Variants in GLI3 observed in about 807,000 individuals in gnomAD.
GLI3 encodes the protein GLI family zinc finger 3.
GLI3 carries 20 observed loss-of-function variants against 100.8 expected under a neutral mutation model. The ratio of observed to expected loss-of-function variants is 0.20; its 90% CI spans 0.14 to 0.29. The LOEUF (loss-of-function observed/expected upper bound fraction) is 0.29, where lower values mean the gene tolerates loss of function less well. Among genes scored for constraint, GLI3 ranks in the 10% least tolerant of loss-of-function variants. The pLI, the probability that GLI3 is intolerant of heterozygous loss-of-function variation, is 1.00. For missense variants in GLI3, 2,040 were observed against 2,128.5 expected (o/e 0.96, Z 0.82); for synonymous variants, 938 against 860.5 (o/e 1.09, Z -1.58).
At chr7:42,205,741 C>T (rs2128694854) in intron 2 of GLI3, among the ~76,000 whole-genome samples, 1 of 152,262 alleles carries the variant, frequency 6.6e-6, no homozygotes, top group African/African-American at 2.4e-5. Flanking sequence ...TTAGGTCTTG[C>T]CAACTGTTAT....
chr7:42,124,154 T>C (rs1182539108), intron 3 of GLI3, among the ~76,000 whole-genome samples: 1 of 152,200 alleles, frequency 6.6e-6, no homozygotes, highest in Admixed American at 6.5e-5. Context: ...GATTTTCCTT[T>C]TGATAACTGT....
intron 13 of GLI3, among the ~76,000 whole-genome samples, chr7:41,970,022 G>A (rs1787324899): frequency 6.6e-6 from 1 of 152,016 alleles, no homozygotes; most frequent in Non-Finnish European, 1.5e-5. Context: ...TTCTATATTT[G>A]AAACATATCT....
In GLI3 at chr7:41,965,196, G is replaced by C. The variant is rs1476153727; in HGVS notation, c.3877C>G (p.Leu1293Val). 5.0e-6 allele frequency: 8 copies of C among 1,613,758 alleles called. No individual in the cohort carries two copies. The African/African-American group carries it at 1.1e-4, about 22-fold the overall frequency. ...STPMQGSGGQ[L>V]NFGLPVAPNE... is the part of the protein sequence containing the mutation. ...GGCGCTACCGGCAGGCCGAAATTCA[G>C]CTGGCCCCCGCTCCCTTGCATGGGG... Residue 1293 changes from leucine to valine, a missense_variant, in exon 15 of 15, where the codon CTG (leucine) becomes GTG (valine). Coordinates refer to ENST00000395925, the MANE Select transcript of GLI3 (RefSeq NM_000168.6).
At chr7:42,180,652 G>GA (rs1236492408) in intron 2 of GLI3, among the ~76,000 whole-genome samples, 7 of 152,214 alleles carry the variant, frequency 4.6e-5, no homozygotes, top group African/African-American at 1.7e-4. Flanking sequence ...TCATCTGTGG[G>GA]AGGCAGTGGG....
intron 4 of GLI3, among the ~76,000 whole-genome samples, chr7:42,073,494 T>C (rs770129891): frequency 3.9e-5 from 6 of 152,254 alleles, no homozygotes; most frequent in Admixed American, 1.3e-4. Context: ...GTCAAACAGC[T>C]AATACGAAAC....
chr7:42,115,994 G>A (rs1183263995), intron 3 of GLI3, among the ~76,000 whole-genome samples: 1 of 152,046 alleles, frequency 6.6e-6, no homozygotes, highest in Non-Finnish European at 1.5e-5. Flanking sequence ...TACCTCAAAT[G>A]AACAGGGAGG....
rs147187967 is a variant in GLI3 at position 42,037,783 on chromosome 7, G to A, written c.1028+2255C>T. 1.6e-4 allele frequency among the ~76,000 whole-genome samples: 25 copies of A among 152,284 alleles called. No individual in the cohort carries two copies. In the East Asian group the frequency reaches 3.1e-3, roughly 19 times the overall value. On this transcript the variant is annotated intron_variant, in intron 7 of 14. Transcript: ENST00000395925. ...AGTTGTGGTATAGCTCCTTGGAGACGAAATGGGCAATGATGATTTCAAGTC... is the reference window on the plus strand; with the variant it reads ...AGTTGTGGTATAGCTCCTTGGAGACAAAATGGGCAATGATGATTTCAAGTC...
At chr7:42,011,987 C>T (rs1219998399) in intron 10 of GLI3, among the ~76,000 whole-genome samples, 12 of 152,192 alleles carry the variant, frequency 7.9e-5, no homozygotes, top group South Asian at 4.1e-4. Context: ...GATCCCTGGC[C>T]GGGGCCATCA....
At chr7:42,140,479 G>C (rs2128782105) in intron 3 of GLI3, among the ~76,000 whole-genome samples, 1 of 152,302 alleles carries the variant, frequency 6.6e-6, no homozygotes, top group Non-Finnish European at 1.5e-5. Flanking sequence ...CCCCTCAAAA[G>C]AAGTGAAGAC....
chr7:42,039,568 A>G (rs1784087874), intron 7 of GLI3, among the ~76,000 whole-genome samples: 1 of 152,184 alleles, frequency 6.6e-6, no homozygotes, highest in Non-Finnish European at 1.5e-5. Context: ...CATCAGACGA[A>G]AAGTCCTGCT....
chr7:42,250,898 C>T (rs1395751240), intron 1 of GLI3, among the ~76,000 whole-genome samples: 1 of 152,200 alleles, frequency 6.6e-6, no homozygotes, highest in African/African-American at 2.4e-5. Flanking sequence ...TGCCTACCTT[C>T]TTCCTGTCTT....
chr7:42,147,025 G>A (rs755603538), intron 3 of GLI3, among the ~76,000 whole-genome samples: 6 of 151,946 alleles, frequency 3.9e-5, no homozygotes, highest in Non-Finnish European at 5.9e-5. Context: ...ACTACCCTCC[G>A]TGCTTCTGAC....
At chr7:42,207,681 T>C (rs188765149) in intron 2 of GLI3, among the ~76,000 whole-genome samples, 57 of 152,284 alleles carry the variant, frequency 3.7e-4, no homozygotes, top group African/African-American at 1.3e-3. Context: ...AAAGCCAAGT[T>C]GGAGAAGAGT....
At chr7:41,969,575 C>T (rs1787313739) in intron 13 of GLI3, among the ~76,000 whole-genome samples, 1 of 152,192 alleles carries the variant, frequency 6.6e-6, no homozygotes, top group Admixed American at 6.5e-5. Context: ...TTTTTGGCCT[C>T]AGCAGAGTGC....
chr7:42,224,130 G>A (rs946391345), intron 1 of GLI3, among the ~76,000 whole-genome samples: 2 of 152,010 alleles, frequency 1.3e-5, no homozygotes, highest in African/African-American at 4.8e-5. Flanking sequence ...TTTTCACTCT[G>A]GTTCATGTTC....
chr7:42,241,441 G>C (rs1788923879), upstream of GLI3, among the ~76,000 whole-genome samples: 1 of 152,166 alleles, frequency 6.6e-6, no homozygotes, highest in African/African-American at 2.4e-5. Flanking sequence ...TGCATGTAAG[G>C]AAAGTACTAG....
intron 6 of GLI3, 89 bp downstream of exon 6, chr7:42,045,295 C>T: frequency 1.6e-6 from 2 of 1,263,414 alleles, no homozygotes; most frequent in South Asian, 2.4e-5. Context: ...AAAAGTTACA[C>T]AATCACCTAA....
intron 10 of GLI3, among the ~76,000 whole-genome samples, chr7:42,001,562 C>T (rs1296217488): frequency 6.6e-6 from 1 of 152,052 alleles, no homozygotes; most frequent in African/African-American, 2.4e-5. Context: ...TTAATAAATG[C>T]ATATAAGAGA....
At chr7:42,081,033 C>T (rs1468570616) in intron 3 of GLI3, among the ~76,000 whole-genome samples, 2 of 152,182 alleles carry the variant, frequency 1.3e-5, no homozygotes, top group Non-Finnish European at 2.9e-5. Context: ...GATGACTTCT[C>T]CAAAGTCAGG....
Sources: allele counts gnomAD v4.1 joint callset (sites outside exome capture counted in the v4.1 genomes callset), GRCh38; gene constraint gnomAD v4.1.1; transcripts MANE v1.5; gene names NCBI Gene and HGNC (gene_info 2026-07-23, HGNC 2026-07-21).